Variants in TTBK2 observed in about 807,000 individuals in gnomAD.
TTBK2 encodes tau-tubulin kinase 2.
TTBK2 carries 28 observed loss-of-function variants against 110.8 expected under a neutral mutation model. That is an observed-to-expected ratio of 0.25 (90% CI 0.19 to 0.35). The LOEUF is 0.35. Ranked by LOEUF, TTBK2 falls within the 10% of genes least tolerant of loss-of-function variation. The probability of loss-of-function intolerance (pLI) is 1.00; values close to 1 mark genes in which losing one functional copy is unlikely to be tolerated. For missense variants in TTBK2, 1,369 were observed against 1,500.3 expected (o/e 0.91, Z 1.45); for synonymous variants, 532 against 527.3 (o/e 1.01, Z -0.12).
chr15:42,807,909 G>C (rs1891543322), intron 9 of TTBK2, among the ~76,000 whole-genome samples: 1 of 151,938 alleles, frequency 6.6e-6, no homozygotes, highest in African/African-American at 2.4e-5. Flanking sequence ...TCTCTGTGTA[G>C]GAGACTGTTG....
At chr15:42,801,006 T>C in intron 9 of TTBK2, 1 of 763,802 alleles carries the variant, frequency 1.3e-6, no homozygotes, top group African/African-American at 1.7e-5. Flanking sequence ...TAGCTTCCCA[T>C]CACGGGTTTC....
chr15:42,917,548 C>T (rs181441098), intron 1 of TTBK2, among the ~76,000 whole-genome samples: 14 of 151,156 alleles, frequency 9.3e-5, no homozygotes, highest in South Asian at 2.1e-4. Context: ...TTCATATGAC[C>T]TTAAAGGCTC....
chr15:42,816,087 T>TAAATAA (rs1225591142), intron 7 of TTBK2, among the ~76,000 whole-genome samples: 37 of 37,536 alleles, frequency 9.9e-4, no homozygotes, highest in African/African-American at 2.9e-3. Context: ...AATAAATAAA[T>TAAATAA]ATATATATAT....
intron 7 of TTBK2, among the ~76,000 whole-genome samples, chr15:42,815,958 A>T (rs60464951): frequency 0.29 from 26,635 of 91,128 alleles, 4,366 homozygotes; most frequent in Admixed American, 0.33. Flanking sequence ...TTAAAAAAAA[A>T]ATATATATAT....
At chr15:42,910,458 C>A (rs1346138218) in intron 1 of TTBK2, among the ~76,000 whole-genome samples, 1 of 152,188 alleles carries the variant, frequency 6.6e-6, no homozygotes, top group Non-Finnish European at 1.5e-5. Flanking sequence ...TACCATTGAA[C>A]CTTTCACTAA....
chr15:42,918,493 T>G (rs190712078), intron 1 of TTBK2, among the ~76,000 whole-genome samples: 145 of 152,334 alleles, frequency 9.5e-4, no homozygotes, highest in African/African-American at 3.4e-3. Context: ...TGTTACTTTT[T>G]AAAGTTATAA....
chr15:42,844,668 T>C (rs1272290810), intron 3 of TTBK2, among the ~76,000 whole-genome samples: 2 of 152,206 alleles, frequency 1.3e-5, no homozygotes, highest in African/African-American at 4.8e-5. Flanking sequence ...AATGTAAGTA[T>C]TATTATATTC....
At chr15:42,748,654 C>T (rs188150260) in intron 14 of TTBK2, among the ~76,000 whole-genome samples, 2 of 152,202 alleles carry the variant, frequency 1.3e-5, no homozygotes, top group African/African-American at 4.8e-5. Flanking sequence ...CTCAAGCAAT[C>T]TGCCTGCCTC....
rs73411001 is a variant in TTBK2 at position 42,799,770 on chromosome 15, A to G, written c.823-4969T>C. On this transcript the variant is annotated intron_variant, in intron 9 of 14. Coordinates refer to ENST00000267890, the MANE Select transcript of TTBK2 (RefSeq NM_173500.4). ...TTTTTATTTGGCCACTGTGTGGATTATTTGTGTCAACCCCTCTTCTACTTG... is the reference window on the plus strand; with the variant it reads ...TTTTTATTTGGCCACTGTGTGGATTGTTTGTGTCAACCCCTCTTCTACTTG... Among the ~76,000 whole-genome samples the G allele has an allele frequency of 5.6e-3, 845 of 152,200 alleles. 11 individuals carry two copies. The highest frequency in any genetic ancestry group is 0.02 in the African/African-American group (826 of 41,520).
At chr15:42,790,910 G>A (rs896054623) in intron 10 of TTBK2, among the ~76,000 whole-genome samples, 3 of 151,956 alleles carry the variant, frequency 2.0e-5, no homozygotes, top group East Asian at 1.9e-4. Context: ...TTGAGATGGA[G>A]TCTCGCTCTG....
intron 1 of TTBK2, among the ~76,000 whole-genome samples, chr15:42,911,822 C>A (rs925262997): frequency 3.3e-5 from 5 of 152,130 alleles, no homozygotes; most frequent in Admixed American, 3.3e-4. Flanking sequence ...GCATAACATA[C>A]AAGTGCATGG....
At chr15:42,878,483 C>G in intron 2 of TTBK2, 66 bp downstream of exon 2, 1 of 1,546,834 alleles carries the variant, frequency 6.5e-7, no homozygotes, top group Non-Finnish European at 8.6e-7. Context: ...AATTACCCCC[C>G]GATATGTATA....
At chr15:42,808,022 G>T (rs966391940) in intron 9 of TTBK2, among the ~76,000 whole-genome samples, 1 of 152,112 alleles carries the variant, frequency 6.6e-6, no homozygotes, top group Non-Finnish European at 1.5e-5. Flanking sequence ...GTTTCTCCAG[G>T]ATTTAAAAGC....
At chr15:42,786,320 A>G (rs915076932) in intron 10 of TTBK2, among the ~76,000 whole-genome samples, 3 of 152,246 alleles carry the variant, frequency 2.0e-5, no homozygotes, top group Non-Finnish European at 4.4e-5. Flanking sequence ...TTAGTTCAAT[A>G]TAATTTATTT....
At chr15:42,780,888 C>T (rs966868918) in intron 11 of TTBK2, among the ~76,000 whole-genome samples, 4 of 152,106 alleles carry the variant, frequency 2.6e-5, no homozygotes, top group Admixed American at 6.6e-5. Context: ...CACTTGAACC[C>T]GGGAGGCAGA....
intron 11 of TTBK2, among the ~76,000 whole-genome samples, chr15:42,780,627 G>T (rs976822882): frequency 5.9e-5 from 9 of 151,964 alleles, no homozygotes; most frequent in African/African-American, 2.2e-4. Flanking sequence ...CAGGAAAAAG[G>T]CATTAAAAAA....
At chr15:42,867,898 T>A (rs1308930845) in intron 3 of TTBK2, among the ~76,000 whole-genome samples, 1 of 152,156 alleles carries the variant, frequency 6.6e-6, no homozygotes, top group East Asian at 1.9e-4. Context: ...AAGATATCCC[T>A]CAGTAGGTGA....
chr15:42,870,184 T>A (rs571506636), intron 3 of TTBK2, among the ~76,000 whole-genome samples: 197 of 151,270 alleles, frequency 1.3e-3, no homozygotes, highest in South Asian at 7.1e-3. Context: ...AAAAAAAAAA[T>A]AATAATAATA....
At chr15:42,747,515 C>T (rs539473188) in intron 14 of TTBK2, among the ~76,000 whole-genome samples, 5 of 152,280 alleles carry the variant, frequency 3.3e-5, no homozygotes, top group African/African-American at 1.2e-4. Flanking sequence ...CCCAGATCAT[C>T]AGGCATTAAT....
Sources: gnomAD v4.1 joint callset for allele counts (sites outside exome capture counted in the v4.1 genomes callset) on GRCh38, gnomAD v4.1.1 for gene constraint, MANE v1.5 for transcripts, NCBI Gene and HGNC (gene_info 2026-07-23, HGNC 2026-07-21) for gene names.